The following PAM variants were observed in gnomAD, a reference collection of about 807,000 sequenced individuals.
The protein encoded by PAM is peptidylglycine alpha-amidating monooxygenase, also known as peptidyl-glycine alpha-amidating monooxygenase.
A neutral mutation model predicts 122.1 loss-of-function variants in PAM; 72 were observed. The observed-to-expected ratio is 0.59, with a 90% CI of 0.49 to 0.72. PAM has a LOEUF of 0.72. Among genes scored for constraint, PAM ranks in the 30% least tolerant of loss-of-function variants. The pLI, the probability that PAM is intolerant of heterozygous loss-of-function variation, is 0.00. For missense variants in PAM, 1,106 were observed against 1,183.7 expected (o/e 0.93, Z 0.96); for synonymous variants, 389 against 404.4 (o/e 0.96, Z 0.46).
In PAM at chr5:102,796,678, C is replaced by T. The variant is rs536419902; in HGVS notation, c.-374+41330C>T. Reference sequence around the variant, plus strand: ...CCTCCTTCATTTTCTTTCGTTTGCTCATCACATTCAGAAGCTCACATTCCC... The same window carrying T: ...CCTCCTTCATTTTCTTTCGTTTGCTTATCACATTCAGAAGCTCACATTCCC... On this transcript the variant is annotated intron_variant, in intron 1 of 25. Coordinates refer to ENST00000438793, the MANE Select transcript of PAM (RefSeq NM_001177306.2). Among the ~76,000 whole-genome samples, 11 of 152,322 alleles carry T rather than the reference C, an allele frequency of 7.2e-5. No individual in the cohort carries two copies. In the South Asian group the frequency reaches 1.9e-3, roughly 26 times the overall value.
chr5:102,961,837 T>TA (rs1479582358), intron 14 of PAM, among the ~76,000 whole-genome samples: 1 of 151,972 alleles, frequency 6.6e-6, no homozygotes, highest in Non-Finnish European at 1.5e-5. Context: ...GTGCTGGTAC[T>TA]AAAAAATTAC....
chr5:102,768,983 C>T (rs1029831496), intron 1 of PAM, among the ~76,000 whole-genome samples: 2 of 152,058 alleles, frequency 1.3e-5, no homozygotes, highest in African/African-American at 4.8e-5. Flanking sequence ...TCAAAGGTTC[C>T]CTTTGTTCCA....
chr5:102,769,007 G>A (rs6871695), intron 1 of PAM, among the ~76,000 whole-genome samples: 1,541 of 152,126 alleles, frequency 0.01, 26 homozygotes, highest in African/African-American at 0.035. Context: ...CCTCACCAGC[G>A]TTTGTTACTA....
Position 103,009,848 on chromosome 5 carries a change from C to A in PAM, c.2313C>A (p.Ile771=). ...MNFSNGEIID[I]FKPVRKHFDM... is the part of the protein sequence containing the mutation. ...TTTCCAATGGGGAAATTATAGACAT[C>A]TTCAAGCCAGTGCGCAAGGTATTTA... is the stretch of plus-strand genomic sequence containing the variant. The change falls in exon 21 of 26, where the codon ATC becomes ATA. Residue 771 remains isoleucine, a synonymous_variant. Coordinates refer to ENST00000438793, the MANE Select transcript of PAM (RefSeq NM_001177306.2). 6.3e-7 allele frequency: 1 copy of A among 1,596,430 alleles called. No individual in the cohort carries two copies. The highest frequency in any genetic ancestry group is 8.6e-7 in the Non-Finnish European group (1 of 1,165,178).
intron 3 of PAM, chr5:102,873,163 A>G (rs1026552877): frequency 1.3e-5 from 2 of 152,146 alleles, no homozygotes; most frequent in African/African-American, 2.4e-5. Flanking sequence ...TGATTTCCTT[A>G]TCTTTTCTCT....
At chr5:102,872,340 C>T (rs564560519) in intron 3 of PAM, among the ~76,000 whole-genome samples, 7 of 152,252 alleles carry the variant, frequency 4.6e-5, no homozygotes, top group African/African-American at 1.7e-4. Context: ...TAAGTTATTA[C>T]TTATTTTAAA....
intron 1 of PAM, among the ~76,000 whole-genome samples, chr5:102,852,314 T>G (rs991890741): frequency 1.3e-5 from 2 of 152,226 alleles, no homozygotes; most frequent in African/African-American, 4.8e-5. Flanking sequence ...GACAATGACC[T>G]TAATATATTT....
chr5:102,783,944 T>G (rs1040117422), intron 1 of PAM, among the ~76,000 whole-genome samples: 1 of 151,884 alleles, frequency 6.6e-6, no homozygotes, highest in African/African-American at 2.4e-5. Context: ...TCACCCAGGC[T>G]GGAGTGCAGT....
At chr5:103,031,088 T>C (rs1237362419), downstream of PAM, 7 of 152,190 alleles carry the variant, frequency 4.6e-5, no homozygotes. Flanking sequence ...AATGACTTAT[T>C]AAAAAAGCAA....
At chr5:102,783,998 G>A (rs1759778523) in intron 1 of PAM, among the ~76,000 whole-genome samples, 1 of 151,660 alleles carries the variant, frequency 6.6e-6, no homozygotes, top group Non-Finnish European at 1.5e-5. Context: ...CAGGGTTCAC[G>A]CCATTCTGCC....
At chr5:102,788,861 T>A (rs563958800) in intron 1 of PAM, among the ~76,000 whole-genome samples, 1 of 152,146 alleles carries the variant, frequency 6.6e-6, no homozygotes, top group African/African-American at 2.4e-5. Flanking sequence ...AAAATACATA[T>A]GTGTCATCTG....
chr5:102,928,307 A>G (rs780645515), intron 7 of PAM, among the ~76,000 whole-genome samples: 3 of 152,216 alleles, frequency 2.0e-5, no homozygotes, highest in Non-Finnish European at 4.4e-5. Flanking sequence ...TGTTACTGTA[A>G]TAATTTCTTA....
intron 1 of PAM, among the ~76,000 whole-genome samples, chr5:102,857,346 A>G (rs747961188): frequency 3.9e-5 from 6 of 152,146 alleles, no homozygotes; most frequent in Non-Finnish European, 1.5e-5. Context: ...CCAGATTTTT[A>G]TGGCTCTTCA....
chr5:102,992,319 T>C (rs1426279335), intron 16 of PAM, among the ~76,000 whole-genome samples: 1 of 151,864 alleles, frequency 6.6e-6, no homozygotes, highest in African/African-American at 2.4e-5. Context: ...CTTGCTCTTC[T>C]TCATCTTTGT....
intron 1 of PAM, among the ~76,000 whole-genome samples, chr5:102,809,427 T>C (rs1424619286): frequency 6.6e-6 from 1 of 151,184 alleles, no homozygotes; most frequent in African/African-American, 2.4e-5. Context: ...ATAACAGCAG[T>C]TTCTAATTAA....
At chr5:103,000,139 G>C (rs2150963982) in intron 16 of PAM, among the ~76,000 whole-genome samples, 1 of 152,268 alleles carries the variant, frequency 6.6e-6, no homozygotes, top group Non-Finnish European at 1.5e-5. Context: ...GCTCTTATGA[G>C]CACTCAAGTT....
At chr5:102,906,604 C>G (rs1320284199) in intron 4 of PAM, among the ~76,000 whole-genome samples, 1 of 151,744 alleles carries the variant, frequency 6.6e-6, no homozygotes, top group Admixed American at 6.6e-5. Flanking sequence ...CAAATTACTT[C>G]ACTTCTCTTT....
chr5:103,025,349 C>A lies in PAM; in HGVS notation c.2689+15C>A. ...GGCCTTTGGAGGCAAGTAAAATGAG[C>A]CCCGTGAACTTGGAACCTGCCTTTG... is the stretch of plus-strand genomic sequence containing the variant. On this transcript the variant is annotated intron_variant, in intron 24 of 25. Transcript: ENST00000438793. The A allele has an allele frequency of 1.2e-6, 2 of 1,604,262 alleles. No homozygotes were observed. The highest frequency in any genetic ancestry group is 1.7e-6 in the Non-Finnish European group (2 of 1,171,214).
intron 3 of PAM, among the ~76,000 whole-genome samples, chr5:102,877,157 A>C (rs1789488518): frequency 6.6e-6 from 1 of 152,250 alleles, no homozygotes. Context: ...AATTGGGATA[A>C]TAATAGTTCC....
Sources: allele counts gnomAD v4.1 joint callset (sites outside exome capture counted in the v4.1 genomes callset), GRCh38; gene constraint gnomAD v4.1.1; transcripts MANE v1.5; gene names NCBI Gene and HGNC (gene_info 2026-07-23, HGNC 2026-07-21).